The following NCKAP5 variants were observed in gnomAD, a reference collection of about 807,000 sequenced individuals.
The protein encoded by NCKAP5 is NCK associated protein 5, also known as nck-associated protein 5.
Under a neutral mutation model 167.0 loss-of-function variants are expected in NCKAP5, and 92 were observed. The ratio of observed to expected loss-of-function variants is 0.55; its 90% CI spans 0.47 to 0.66. The LOEUF (loss-of-function observed/expected upper bound fraction) is 0.66. Ranked by LOEUF, NCKAP5 falls within the 30% of genes least tolerant of loss-of-function variation. The pLI is 0.00. For synonymous variants in NCKAP5, 891 were observed against 877.4 expected, an observed-to-expected ratio of 1.02 and a Z score of -0.27; for missense variants, 2,378 against 2,315.0, an observed-to-expected ratio of 1.03 and a Z score of -0.56.
At chr2:132,751,942 A>C (rs1680150125) in intron 16 of NCKAP5, among the ~76,000 whole-genome samples, 1 of 152,212 alleles carries the variant, frequency 6.6e-6, no homozygotes, top group Non-Finnish European at 1.5e-5. Flanking sequence ...GGAAAAGACC[A>C]TTTCATCTGA....
At chr2:133,670,861 T>G in the NCKAP5 span, among the ~76,000 whole-genome samples, 2 of 152,116 alleles carry the variant, frequency 1.3e-5, no homozygotes, top group African/African-American at 4.8e-5. Flanking sequence ...AGGTGTCAGG[T>G]TATCTGCAAC....
rs572484225 is a variant in NCKAP5, at chr2:132,803,610, C to T, written c.808-6881G>A. Among the ~76,000 whole-genome samples the T allele has an allele frequency of 1.6e-4, 25 of 152,308 alleles. 1 individual carries two copies. The South Asian group carries it at 3.3e-3, about 20-fold the overall frequency. On this transcript the variant is annotated intron_variant, in intron 11 of 19. Coordinates refer to ENST00000409261, the MANE Select transcript of NCKAP5 (RefSeq NM_207363.3). ...CAGCTTAGACTGATGACCAGAGCAC[C>T]TCTTACCTGTCCTTATCTGCTGCAA...
intron 19 of NCKAP5, among the ~76,000 whole-genome samples, chr2:132,700,728 C>T (rs1382419554): frequency 6.6e-6 from 1 of 152,132 alleles, no homozygotes; most frequent in Non-Finnish European, 1.5e-5. Context: ...TGATGCTGGG[C>T]CAGGCAATGA....
intron 6 of NCKAP5, among the ~76,000 whole-genome samples, chr2:132,999,416 A>C (rs762301119): frequency 6.6e-5 from 10 of 152,192 alleles, no homozygotes; most frequent in Non-Finnish European, 1.3e-4. Flanking sequence ...CACCTTTGTC[A>C]TTGACCTCCT....
chr2:133,513,883 G>T (rs552627757), intron 3 of NCKAP5, among the ~76,000 whole-genome samples: 1 of 152,282 alleles, frequency 6.6e-6, no homozygotes, highest in African/African-American at 2.4e-5. Context: ...AATGTGAGCT[G>T]GTAAGAAAGA....
chr2:132,700,930 CGGG>C (rs67190492), intron 19 of NCKAP5, among the ~76,000 whole-genome samples: 7 of 113,170 alleles, frequency 6.2e-5, no homozygotes, highest in Admixed American at 1.8e-4. Context: ...ATCCCCTGGG[CGGG>C]GGGGGGGGCT....
chr2:133,631,585 G>A, the NCKAP5 span, among the ~76,000 whole-genome samples: 508 of 152,286 alleles, frequency 3.3e-3, 2 homozygotes, highest in African/African-American at 0.012. Context: ...GTAACTCCTG[G>A]ATAGAAAAGC....
chr2:133,220,431 C>A (rs1488244660), intron 4 of NCKAP5, among the ~76,000 whole-genome samples: 1 of 152,188 alleles, frequency 6.6e-6, no homozygotes, highest in Non-Finnish European at 1.5e-5. Context: ...TGAAACAGAG[C>A]TACTCTTCTT....
At chr2:133,233,437 T>C (rs1225306733) in intron 4 of NCKAP5, among the ~76,000 whole-genome samples, 4 of 152,144 alleles carry the variant, frequency 2.6e-5, no homozygotes, top group Admixed American at 2.6e-4. Flanking sequence ...ACATATTGCA[T>C]TGAAATAAAA....
At chr2:132,739,303 G>A (rs982043859) in intron 16 of NCKAP5, among the ~76,000 whole-genome samples, 19 of 152,246 alleles carry the variant, frequency 1.2e-4, no homozygotes, top group African/African-American at 4.1e-4. Flanking sequence ...TATTATTAAC[G>A]TATCTGTCAA....
At chr2:133,350,010 T>C (rs1426493729) in intron 3 of NCKAP5, among the ~76,000 whole-genome samples, 1 of 152,222 alleles carries the variant, frequency 6.6e-6, no homozygotes, top group African/African-American at 2.4e-5. Flanking sequence ...CATGATAATA[T>C]TCTACATAAC....
intron 16 of NCKAP5, among the ~76,000 whole-genome samples, chr2:132,743,014 A>G (rs1312654957): frequency 6.6e-6 from 1 of 151,928 alleles, no homozygotes. Context: ...GTAAAAATAT[A>G]TATAGATTTT....
chr2:133,424,172 G>A (rs1181920761), intron 3 of NCKAP5, among the ~76,000 whole-genome samples: 1 of 152,086 alleles, frequency 6.6e-6, no homozygotes, highest in African/African-American at 2.4e-5. Flanking sequence ...TAGGTGTCAG[G>A]GAGTACTGTG....
chr2:132,760,399 A>G (rs1680901584), intron 16 of NCKAP5, among the ~76,000 whole-genome samples: 1 of 152,170 alleles, frequency 6.6e-6, no homozygotes, highest in Non-Finnish European at 1.5e-5. Flanking sequence ...TCAGATACAA[A>G]TTATATCTTC....
At chr2:133,396,699 T>C (rs1301635407) in intron 3 of NCKAP5, among the ~76,000 whole-genome samples, 1 of 152,170 alleles carries the variant, frequency 6.6e-6, no homozygotes, top group African/African-American at 2.4e-5. Context: ...TTCAACTTGG[T>C]TACCTCTATA....
At chr2:133,188,934 C>T (rs1252306380) in intron 5 of NCKAP5, among the ~76,000 whole-genome samples, 1 of 152,028 alleles carries the variant, frequency 6.6e-6, no homozygotes, top group Non-Finnish European at 1.5e-5. Flanking sequence ...TAACTAAGAT[C>T]AGAGAAGAAC....
At chr2:132,968,021 T>C (rs1159367939) in intron 7 of NCKAP5, among the ~76,000 whole-genome samples, 1 of 152,074 alleles carries the variant, frequency 6.6e-6, no homozygotes, top group East Asian at 1.9e-4. Flanking sequence ...CAAATACTCG[T>C]GGCAGGGCCA....
intron 15 of NCKAP5, 92 bp downstream of exon 15, chr2:132,780,960 T>C: frequency 1.5e-6 from 2 of 1,299,530 alleles, no homozygotes; most frequent in Non-Finnish European, 2.1e-6. Flanking sequence ...TGCAATCTCT[T>C]ACCCATACAT....
chr2:133,243,382 T>C (rs2087818668), intron 4 of NCKAP5, among the ~76,000 whole-genome samples: 1 of 152,198 alleles, frequency 6.6e-6, no homozygotes, highest in African/African-American at 2.4e-5. Context: ...ATTTCATCTA[T>C]GGAAGAACTA....
Sources: gnomAD v4.1 joint callset for allele counts (sites outside exome capture counted in the v4.1 genomes callset) on GRCh38, gnomAD v4.1.1 for gene constraint, MANE v1.5 for transcripts, NCBI Gene and HGNC (gene_info 2026-07-23, HGNC 2026-07-21) for gene names.